NKAIN3: variants seen among roughly 807,000 people sequenced by gnomAD.
NKAIN3 encodes sodium/potassium-transporting ATPase subunit beta-1-interacting protein 3.
A neutral mutation model predicts 30.2 loss-of-function variants in NKAIN3; 25 were observed. The ratio of observed to expected loss-of-function variants is 0.83; its 90% CI spans 0.60 to 1.16. The LOEUF is 1.16. Ranked by LOEUF, NKAIN3 falls within the 50% of genes most tolerant of loss-of-function variation. The pLI is 0.00. For synonymous variants in NKAIN3, 91 were observed against 89.6 expected, an observed-to-expected ratio of 1.02 and a Z score of -0.09; for missense variants, 225 against 254.1, an observed-to-expected ratio of 0.89 and a Z score of 0.78.
chr8:62,429,174 T>A (rs1037254900), intron 1 of NKAIN3, among the ~76,000 whole-genome samples: 1 of 151,938 alleles, frequency 6.6e-6, no homozygotes, highest in Admixed American at 6.6e-5. Context: ...CATCCAGTAC[T>A]ATGTTGAATA....
At chr8:62,854,672 A>G (rs1820008668) in intron 4 of NKAIN3, among the ~76,000 whole-genome samples, 1 of 152,108 alleles carries the variant, frequency 6.6e-6, no homozygotes. Flanking sequence ...GTGTCTTTTA[A>G]TTGGGGCATG....
chr8:62,694,140 AT>A (rs1814077802), intron 3 of NKAIN3, among the ~76,000 whole-genome samples: 1 of 152,070 alleles, frequency 6.6e-6, no homozygotes, highest in Non-Finnish European at 1.5e-5. Flanking sequence ...ATTGTTCACT[AT>A]AGTCTTTCTA....
intron 3 of NKAIN3, among the ~76,000 whole-genome samples, chr8:62,685,272 G>A (rs1354452416): frequency 6.6e-6 from 1 of 152,102 alleles, no homozygotes; most frequent in East Asian, 1.9e-4. Flanking sequence ...CTGGAACTTG[G>A]GTGAGATCTT....
intron 6 of NKAIN3, among the ~76,000 whole-genome samples, chr8:62,962,579 T>C (rs1230219971): frequency 6.6e-6 from 1 of 152,160 alleles, no homozygotes; most frequent in Non-Finnish European, 1.5e-5. Context: ...TGTGCCACTG[T>C]GGGATATTTA....
intron 5 of NKAIN3, among the ~76,000 whole-genome samples, chr8:62,920,356 C>T (rs1346958115): frequency 6.6e-6 from 1 of 152,118 alleles, no homozygotes; most frequent in Non-Finnish European, 1.5e-5. Context: ...CTCAGTTGTA[C>T]CTAACAGTGG....
chr8:62,851,183 G>A (rs1414757856), intron 4 of NKAIN3, among the ~76,000 whole-genome samples: 1 of 152,144 alleles, frequency 6.6e-6, no homozygotes, highest in African/African-American at 2.4e-5. Flanking sequence ...TCCCTTGTAA[G>A]TTGGATTGCT....
chr8:62,583,831 G>GATAAATA (rs1457295155), intron 2 of NKAIN3, among the ~76,000 whole-genome samples: 1 of 151,966 alleles, frequency 6.6e-6, no homozygotes, highest in African/African-American at 2.4e-5. Context: ...TTCTAATATG[G>GATAAATA]GTATAAATTA....
chr8:62,858,537 G>A (rs1324547434), intron 4 of NKAIN3, among the ~76,000 whole-genome samples: 7 of 152,254 alleles, frequency 4.6e-5, no homozygotes, highest in Non-Finnish European at 8.8e-5. Flanking sequence ...TGTTCATACC[G>A]TATGTGCAGG....
chr8:62,791,481 C>G (rs940621157), intron 4 of NKAIN3, among the ~76,000 whole-genome samples: 3 of 152,006 alleles, frequency 2.0e-5, no homozygotes, highest in African/African-American at 7.2e-5. Context: ...ATGACTCAGG[C>G]TGGTGTGAGA....
chr8:62,323,419 G>A (rs1053210950), intron 1 of NKAIN3, among the ~76,000 whole-genome samples: 8 of 152,208 alleles, frequency 5.3e-5, no homozygotes, highest in African/African-American at 1.9e-4. Context: ...AAGACAAAAT[G>A]AGGTGGATTA....
intron 5 of NKAIN3, among the ~76,000 whole-genome samples, chr8:62,926,461 C>T (rs1467678920): frequency 6.6e-6 from 1 of 152,200 alleles, no homozygotes. Flanking sequence ...CCTGATGCAA[C>T]CTCACAACGT....
chr8:62,812,532 C>A (rs1164157324), intron 4 of NKAIN3, among the ~76,000 whole-genome samples: 5 of 151,830 alleles, frequency 3.3e-5, no homozygotes, highest in Admixed American at 6.6e-5. Flanking sequence ...TAATTTACAG[C>A]ATAAAGATTC....
At chr8:62,689,243 T>C (rs568321035) in intron 3 of NKAIN3, among the ~76,000 whole-genome samples, 35 of 152,326 alleles carry the variant, frequency 2.3e-4, no homozygotes, top group African/African-American at 7.0e-4. Flanking sequence ...TATCATCCTT[T>C]ATAAGGAGAC....
intron 4 of NKAIN3, among the ~76,000 whole-genome samples, chr8:62,882,608 A>G (rs142569008): frequency 1.5e-3 from 222 of 152,210 alleles, no homozygotes; most frequent in African/African-American, 5.2e-3. Context: ...GTGAGCCACT[A>G]TGCCCTGCCT....
At chr8:62,821,272 G>A (rs1818840610) in intron 4 of NKAIN3, among the ~76,000 whole-genome samples, 1 of 152,106 alleles carries the variant, frequency 6.6e-6, no homozygotes, top group South Asian at 2.1e-4. Flanking sequence ...AAACACAATG[G>A]TGGGTTTTAT....
At chr8:62,286,048 G>A (rs917520544) in intron 1 of NKAIN3, among the ~76,000 whole-genome samples, 16 of 152,066 alleles carry the variant, frequency 1.1e-4, no homozygotes, top group Admixed American at 3.9e-4. Flanking sequence ...CAAGTACTAC[G>A]TATATTATAG....
At chr8:62,457,981 T>G (rs1805869743) in intron 1 of NKAIN3, among the ~76,000 whole-genome samples, 1 of 152,210 alleles carries the variant, frequency 6.6e-6, no homozygotes, top group African/African-American at 2.4e-5. Flanking sequence ...TCTGTCTCTT[T>G]TATTTTGATT....
intron 3 of NKAIN3, among the ~76,000 whole-genome samples, chr8:62,619,676 G>A (rs549883733): frequency 2.5e-4 from 34 of 137,860 alleles, no homozygotes; most frequent in African/African-American, 7.1e-4. Flanking sequence ...ATTTAACTCA[G>A]AATAAATTTC....
Position 62,536,000 on chromosome 8 carries a change from G to C in NKAIN3, c.55-43539G>C, listed in dbSNP as rs150383782. On this transcript the variant is annotated intron_variant, in intron 1 of 6. Transcript: ENST00000623646. ...ATGGGAGTTATGAGCCAGGAACCAT[G>C]GATGAACACCAATATATATCCTAAC... 4.1e-3 allele frequency among the ~76,000 whole-genome samples: 631 copies of C among 152,196 alleles called. 4 individuals are homozygous for C. Among genetic ancestry groups the C allele is most frequent in the African/African-American group, 0.014 (594 of 41,540 alleles).
Sources: gnomAD v4.1 joint callset for allele counts (sites outside exome capture counted in the v4.1 genomes callset) on GRCh38, gnomAD v4.1.1 for gene constraint, MANE v1.5 for transcripts, NCBI Gene and HGNC (gene_info 2026-07-23, HGNC 2026-07-21) for gene names.